Variants in PIBF1 observed in about 807,000 individuals in gnomAD.
The protein encoded by PIBF1 is progesterone-induced-blocking factor 1.
In PIBF1, 90 loss-of-function variants were observed where a neutral mutation model predicts 112.5. That is an observed-to-expected ratio of 0.80 (90% confidence interval 0.67 to 0.95). PIBF1 has a LOEUF of 0.95. PIBF1 is among the 40% of genes least tolerant of loss of function. The probability of loss-of-function intolerance (pLI) is 0.00; values close to 1 mark genes in which losing one functional copy is unlikely to be tolerated. For synonymous variants in PIBF1, 301 were observed against 288.6 expected (o/e 1.04, Z -0.44); for missense variants, 915 against 852.3 (o/e 1.07, Z -0.92).
intron 17 of PIBF1, among the ~76,000 whole-genome samples, chr13:73,004,300 G>A (rs546117190): frequency 6.6e-6 from 1 of 152,124 alleles, no homozygotes; most frequent in Non-Finnish European, 1.5e-5. Context: ...AGACCATCCT[G>A]GCCAACATGG....
chr13:72,970,740 T>G (rs2042866687), intron 15 of PIBF1: 1 of 152,166 alleles, frequency 6.6e-6, no homozygotes, highest in Admixed American at 6.5e-5. Flanking sequence ...ATATGTCTTA[T>G]GAAGACTAAA....
At chr13:72,784,045 A>G (rs1183176992) in intron 2 of PIBF1, among the ~76,000 whole-genome samples, 4 of 152,190 alleles carry the variant, frequency 2.6e-5, no homozygotes, top group African/African-American at 9.7e-5. Flanking sequence ...CTTGGAAAAC[A>G]TTGTGTTTTT....
intron 10 of PIBF1, among the ~76,000 whole-genome samples, chr13:72,888,672 A>G (rs2039945784): frequency 6.6e-6 from 1 of 152,142 alleles, no homozygotes; most frequent in Non-Finnish European, 1.5e-5. Flanking sequence ...TTATATAGCA[A>G]ATGAAAAGAA....
rs191072971 is a variant in PIBF1 at position 72,793,581 on chromosome 13, A to G, written c.353+1034A>G. 3.9e-5 allele frequency among the ~76,000 whole-genome samples: 6 copies of G among 152,324 alleles called. No individual in the cohort carries two copies. The East Asian group carries it at 7.7e-4, about 20-fold the overall frequency. ...CACTGCATTTGATAATAGGTCTTCTATGCTAATTCTGTAAGACATATATCA... is the reference window on the plus strand; with the variant it reads ...CACTGCATTTGATAATAGGTCTTCTGTGCTAATTCTGTAAGACATATATCA... On this transcript the variant is annotated intron_variant, in intron 3 of 17. Transcript: ENST00000326291.
chr13:72,880,876 A>G (rs1296089421), intron 10 of PIBF1, among the ~76,000 whole-genome samples: 2 of 152,188 alleles, frequency 1.3e-5, no homozygotes. Flanking sequence ...ACTTGAATGC[A>G]GATTTCAGCT....
chr13:72,978,463 C>T (rs1192584121), intron 16 of PIBF1, among the ~76,000 whole-genome samples: 1 of 152,044 alleles, frequency 6.6e-6, no homozygotes, highest in African/African-American at 2.4e-5. Flanking sequence ...CTCATTTAGA[C>T]AGAAAAAAAC....
chr13:72,836,632 AT>A lies in PIBF1; in HGVS notation c.1223+1269del, dbSNP rs373352217. ...TATTTAATATAGCAGGTTGGTAGAG[AT>A]TTTTATGCTAATGCCTCTGAGGGGT... On this transcript the variant is annotated intron_variant, in intron 9 of 17. Transcript: ENST00000326291. 3.5e-3 allele frequency among the ~76,000 whole-genome samples: 532 copies of A among 152,204 alleles called. 2 individuals are homozygous for A. The highest frequency in any genetic ancestry group is 0.012 in the African/African-American group (503 of 41,550).
intron 11 of PIBF1, among the ~76,000 whole-genome samples, chr13:72,902,769 G>A (rs996925984): frequency 1.3e-5 from 2 of 152,134 alleles, no homozygotes; most frequent in African/African-American, 4.8e-5. Context: ...GGGTATTTTA[G>A]ATTTGGGGAA....
At chr13:72,995,689 C>CTTT (rs2043630461) in intron 16 of PIBF1, among the ~76,000 whole-genome samples, 1 of 152,076 alleles carries the variant, frequency 6.6e-6, no homozygotes, top group South Asian at 2.1e-4. Context: ...CAGTGACTCA[C>CTTT]GCCTGTAATC....
chr13:72,808,700 C>A (rs2035859378), intron 5 of PIBF1, among the ~76,000 whole-genome samples: 3 of 152,026 alleles, frequency 2.0e-5, no homozygotes, highest in African/African-American at 7.2e-5. Flanking sequence ...ATTCAGTTTC[C>A]CCTCTCTGGC....
chr13:72,951,322 C>T (rs2042290375), intron 14 of PIBF1, among the ~76,000 whole-genome samples: 1 of 152,170 alleles, frequency 6.6e-6, no homozygotes, highest in African/African-American at 2.4e-5. Flanking sequence ...ACCAGACTCA[C>T]TGGATTCAAA....
chr13:72,916,397 AATAT>A (rs10665584), intron 12 of PIBF1, among the ~76,000 whole-genome samples: 1 of 138,174 alleles, frequency 7.2e-6, no homozygotes. Flanking sequence ...CATCTCAAAA[AATAT>A]ATATATATAT....
chr13:72,950,413 A>G (rs1044510275), intron 14 of PIBF1, among the ~76,000 whole-genome samples: 1 of 152,180 alleles, frequency 6.6e-6, no homozygotes, highest in Non-Finnish European at 1.5e-5. Context: ...TTATGTGTTA[A>G]CATTTTAATC....
chr13:72,922,501 C>G (rs1345097589), intron 13 of PIBF1, among the ~76,000 whole-genome samples: 1 of 152,190 alleles, frequency 6.6e-6, no homozygotes, highest in African/African-American at 2.4e-5. Flanking sequence ...CACCCAGGCA[C>G]TAACATGGTC....
chr13:72,985,451 A>G (rs1451772473), intron 16 of PIBF1, among the ~76,000 whole-genome samples: 4 of 150,472 alleles, frequency 2.7e-5, no homozygotes, highest in Non-Finnish European at 3.0e-5. Flanking sequence ...GAGGCAGGAG[A>G]ATGGCTGAAC....
intron 14 of PIBF1, among the ~76,000 whole-genome samples, chr13:72,935,482 C>G (rs1265468045): frequency 6.6e-6 from 1 of 152,112 alleles, no homozygotes; most frequent in African/African-American, 2.4e-5. Context: ...TTCCAGTTTT[C>G]TGAATAAAGC....
chr13:72,855,062 A>G (rs181111819), intron 10 of PIBF1, among the ~76,000 whole-genome samples: 11 of 152,282 alleles, frequency 7.2e-5, no homozygotes, highest in African/African-American at 2.6e-4. Context: ...TTTTCATTTT[A>G]AAATTATTTC....
intron 14 of PIBF1, among the ~76,000 whole-genome samples, chr13:72,941,246 T>C (rs956925438): frequency 1.4e-4 from 21 of 152,228 alleles, no homozygotes; most frequent in Admixed American, 6.5e-5. Context: ...AAACAAGTTA[T>C]TCTTTTTTGT....
At chr13:72,869,367 C>CA (rs2138417690) in intron 10 of PIBF1, among the ~76,000 whole-genome samples, 1 of 147,256 alleles carries the variant, frequency 6.8e-6, no homozygotes, top group Non-Finnish European at 1.5e-5. Context: ...ATTGCAAGGA[C>CA]AAAAAACCAA....
Sources: gnomAD v4.1 joint callset for allele counts (sites outside exome capture counted in the v4.1 genomes callset) on GRCh38, gnomAD v4.1.1 for gene constraint, MANE v1.5 for transcripts, NCBI Gene and HGNC (gene_info 2026-07-23, HGNC 2026-07-21) for gene names.